Variants in RYR2 observed in about 807,000 individuals in gnomAD.
RYR2 encodes cardiac muscle ryanodine receptor-calcium release channel.
RYR2 carries 227 observed loss-of-function variants against 601.1 expected under a neutral mutation model. The observed-to-expected ratio is 0.38, with a 90% CI of 0.34 to 0.42. The LOEUF is 0.42. Ranked by LOEUF, RYR2 falls within the 10% of genes least tolerant of loss-of-function variation. RYR2 has a pLI of 1.00. For synonymous variants in RYR2, 2,223 were observed against 2,175.1 expected, an observed-to-expected ratio of 1.02 and a Z score of -0.61; for missense variants, 4,646 against 6,156.5, an observed-to-expected ratio of 0.75 and a Z score of 8.21.
chr1:237,826,901 C>T (rs1020331009), intron 101 of RYR2, among the ~76,000 whole-genome samples: 1 of 152,150 alleles, frequency 6.6e-6, no homozygotes, highest in Non-Finnish European at 1.5e-5. Flanking sequence ...CATCTATACC[C>T]AGGCAATCTG....
intron 25 of RYR2, among the ~76,000 whole-genome samples, chr1:237,542,928 G>A (rs907931706): frequency 6.6e-6 from 1 of 152,134 alleles, no homozygotes; most frequent in African/African-American, 2.4e-5. Flanking sequence ...AGAAGGCTGG[G>A]GAGAACTTGC....
intron 16 of RYR2, among the ~76,000 whole-genome samples, chr1:237,464,743 T>C (rs930747410): frequency 1.3e-5 from 2 of 152,222 alleles, no homozygotes; most frequent in Non-Finnish European, 2.9e-5. Flanking sequence ...GGAATCATGC[T>C]ATCAATGTTC....
At chr1:237,054,547 A>T (rs955621871) in intron 1 of RYR2, among the ~76,000 whole-genome samples, 1 of 152,094 alleles carries the variant, frequency 6.6e-6, no homozygotes, top group African/African-American at 2.4e-5. Flanking sequence ...AATTGTGTCT[A>T]CTAGAATGCA....
intron 29 of RYR2, among the ~76,000 whole-genome samples, chr1:237,577,704 G>T (rs1463207059): frequency 6.6e-6 from 1 of 152,058 alleles, no homozygotes; most frequent in Non-Finnish European, 1.5e-5. Flanking sequence ...ATACTTAAGA[G>T]TATTTTTAAA....
At chr1:237,333,485 G>A (rs915081318) in intron 3 of RYR2, 16 of 380,088 alleles carry the variant, frequency 4.2e-5, no homozygotes, top group African/African-American at 8.4e-5. Flanking sequence ...CCCGAGCAAC[G>A]GGGGGTGTCC....
intron 6 of RYR2, among the ~76,000 whole-genome samples, chr1:237,370,444 A>C (rs921463399): frequency 1.2e-4 from 19 of 152,090 alleles, no homozygotes; most frequent in Admixed American, 1.2e-3. Flanking sequence ...TATTTTCTAC[A>C]CATAAAGTGG....
intron 84 of RYR2, among the ~76,000 whole-genome samples, chr1:237,762,934 C>T (rs578080495): frequency 6.6e-6 from 1 of 152,154 alleles, no homozygotes; most frequent in Non-Finnish European, 1.5e-5. Flanking sequence ...AATGAACTGT[C>T]TTTTGTTTAT....
intron 1 of RYR2, among the ~76,000 whole-genome samples, chr1:237,052,258 T>C (rs530536829): frequency 1.3e-5 from 2 of 152,102 alleles, no homozygotes; most frequent in Non-Finnish European, 2.9e-5. Context: ...ACAGTAAGCT[T>C]ATGGTTCTAG....
intron 62 of RYR2, 60 bp from the exon 63 acceptor site, chr1:237,687,393 CCT>C (rs1686513424): frequency 5.0e-6 from 3 of 600,536 alleles, no homozygotes; most frequent in Non-Finnish European, 8.3e-6. Flanking sequence ...TTAATTTCCC[CCT>C]GTCTTTTCTA....
chr1:237,648,690 AT>A, intron 49 of RYR2, 77 bp downstream of exon 49: 1 of 1,423,404 alleles, frequency 7.0e-7, no homozygotes, highest in South Asian at 1.5e-5. Flanking sequence ...TTATATATCC[AT>A]TCATTAATTT....
At chr1:237,387,248 T>A (rs936277927) in intron 8 of RYR2, 33 bp from the exon 9 acceptor site, 1 of 1,594,332 alleles carries the variant, frequency 6.3e-7, no homozygotes, top group African/African-American at 1.3e-5. Flanking sequence ...TACCAGAGCC[T>A]GAAGTGATGC....
intron 53 of RYR2, among the ~76,000 whole-genome samples, chr1:237,657,136 A>G (rs1322013341): frequency 1.3e-5 from 2 of 152,170 alleles, no homozygotes; most frequent in African/African-American, 4.8e-5. Context: ...TAACAGATAC[A>G]GGTTTATGTG....
chr1:237,706,710 T>G (rs1432875057), intron 67 of RYR2, among the ~76,000 whole-genome samples: 1 of 152,076 alleles, frequency 6.6e-6, no homozygotes, highest in Non-Finnish European at 1.5e-5. Flanking sequence ...TTGATACTAT[T>G]GTTTGCTGTA....
intron 87 of RYR2, among the ~76,000 whole-genome samples, chr1:237,777,238 C>CTATT (rs1448511072): frequency 2.6e-5 from 4 of 152,126 alleles, no homozygotes; most frequent in African/African-American, 9.7e-5. Flanking sequence ...GTGGAAATAT[C>CTATT]TATTTTTAGT....
chr1:237,663,878 G>A (rs1684040802), intron 56 of RYR2, among the ~76,000 whole-genome samples: 1 of 152,124 alleles, frequency 6.6e-6, no homozygotes, highest in Non-Finnish European at 1.5e-5. Flanking sequence ...CAAACTTAAG[G>A]ACATGAATAA....
intron 35 of RYR2, among the ~76,000 whole-genome samples, chr1:237,602,396 G>T (rs138694059): frequency 1.3e-5 from 2 of 152,124 alleles, no homozygotes; most frequent in African/African-American, 4.8e-5. Context: ...ACTGATAGGT[G>T]AGCTAATGAA....
intron 2 of RYR2, among the ~76,000 whole-genome samples, chr1:237,278,486 A>T (rs923538065): frequency 6.6e-6 from 1 of 152,072 alleles, no homozygotes; most frequent in Non-Finnish European, 1.5e-5. Context: ...CAGGAAATAG[A>T]AAATATATTA....
chr1:237,374,990 G>T (rs959311907), intron 7 of RYR2, among the ~76,000 whole-genome samples, 195 bp downstream of exon 7: 1 of 152,144 alleles, frequency 6.6e-6, no homozygotes, highest in Non-Finnish European at 1.5e-5. Flanking sequence ...TCATTAGTTG[G>T]ATGTTCAAAC....
At chr1:237,441,751 A>G (rs971894580) in intron 13 of RYR2, among the ~76,000 whole-genome samples, 4 of 152,128 alleles carry the variant, frequency 2.6e-5, no homozygotes, top group Non-Finnish European at 5.9e-5. Context: ...ATTCTAGTTT[A>G]GTACCGTTCA....
Sources: allele counts gnomAD v4.1 joint callset (sites outside exome capture counted in the v4.1 genomes callset), GRCh38; gene constraint gnomAD v4.1.1; transcripts MANE v1.5; gene names NCBI Gene and HGNC (gene_info 2026-07-23, HGNC 2026-07-21).